The following KPNA7 variants were observed in gnomAD, a reference collection of about 807,000 sequenced individuals.
The protein encoded by KPNA7 is karyopherin subunit alpha 7, also known as importin subunit alpha-8.
In KPNA7, 54 loss-of-function variants were observed where a neutral mutation model predicts 53.7. That is an observed-to-expected ratio of 1.01 (90% CI 0.81 to 1.26). KPNA7 has a LOEUF of 1.26. KPNA7 is among the 50% of genes most tolerant of loss of function. KPNA7 has a pLI of 0.00. For missense variants in KPNA7, 640 were observed against 644.5 expected (o/e 0.99, Z 0.07); for synonymous variants, 276 against 259.3 (o/e 1.06, Z -0.62).
At chr7:99,148,368 T>A in the KPNA7 span, among the ~76,000 whole-genome samples, 38 of 152,312 alleles carry the variant, frequency 2.5e-4, no homozygotes, top group Middle Eastern at 3.4e-3. Flanking sequence ...TTGAAATATT[T>A]TCCAGTGGGC....
At chr7:99,190,904 CAT>C (rs1273994260) in intron 6 of KPNA7, among the ~76,000 whole-genome samples, 7 of 152,036 alleles carry the variant, frequency 4.6e-5, no homozygotes, top group African/African-American at 1.7e-4. Context: ...GACATATACA[CAT>C]ATGTCACCTA....
Position 99,216,614 on chromosome 7 carries a change from T to C in KPNA7, c.-23-9125A>G, listed in dbSNP as rs552628427. Among the ~76,000 whole-genome samples the C allele has an allele frequency of 2.0e-3, 304 of 152,212 alleles. 1 individual carries two copies. Among genetic ancestry groups the C allele is most frequent in the Middle Eastern group, 6.8e-3 (2 of 294 alleles). On this transcript the variant is annotated intron_variant, in intron 1 of 10. Transcript: ENST00000681060. Reference sequence around the variant, plus strand: ...TCTGGCTCTGTCGCCCAGGCTAGAATGCAGTGGCGTGATCTCAGCTCACTG... The same window carrying C: ...TCTGGCTCTGTCGCCCAGGCTAGAACGCAGTGGCGTGATCTCAGCTCACTG...
chr7:99,185,207 A>G (rs1789519569), intron 7 of KPNA7, 45 bp from the exon 8 acceptor site: 2 of 1,360,310 alleles, frequency 1.5e-6, no homozygotes, highest in Admixed American at 4.0e-5. Flanking sequence ...AGTCTATCCC[A>G]GGAGAAGGCA....
At chr7:99,187,442 TAC>T (rs140799800) in intron 7 of KPNA7, among the ~76,000 whole-genome samples, 1 of 151,708 alleles carries the variant, frequency 6.6e-6, no homozygotes, top group African/African-American at 2.4e-5. Flanking sequence ...CTGGCTGGAG[TAC>T]AGTGTGCCAT....
chr7:99,190,653 CT>C (rs78243243), intron 6 of KPNA7, among the ~76,000 whole-genome samples: 405 of 120,464 alleles, frequency 3.4e-3, no homozygotes, highest in Non-Finnish European at 3.1e-3. Context: ...GCCAGTAAAA[CT>C]TTTTTTTTTT....
chr7:99,197,916 G>A (rs1455343266), intron 3 of KPNA7, among the ~76,000 whole-genome samples: 1 of 152,020 alleles, frequency 6.6e-6, no homozygotes, highest in East Asian at 1.9e-4. Context: ...TATATTTAAA[G>A]AGATAATGGC....
chr7:99,217,035 C>T (rs1791236135), intron 1 of KPNA7, among the ~76,000 whole-genome samples: 1 of 152,162 alleles, frequency 6.6e-6, no homozygotes, highest in Admixed American at 6.5e-5. Context: ...AACTGAGAAC[C>T]ATTTTAAATT....
At chr7:99,213,596 A>C (rs1052147892) in intron 1 of KPNA7, among the ~76,000 whole-genome samples, 4 of 151,896 alleles carry the variant, frequency 2.6e-5, no homozygotes, top group African/African-American at 7.3e-5. Context: ...GGAACAAGCT[A>C]CCACACTTCA....
At chr7:99,213,039 T>C (rs1275961274), upstream of KPNA7, among the ~76,000 whole-genome samples, 1 of 152,148 alleles carries the variant, frequency 6.6e-6, no homozygotes, top group Non-Finnish European at 1.5e-5. Context: ...AGATTCTATT[T>C]CTAGGTCTCC....
At chr7:99,208,696 A>G (rs1028187690), upstream of KPNA7, among the ~76,000 whole-genome samples, 11 of 152,194 alleles carry the variant, frequency 7.2e-5, no homozygotes, top group Admixed American at 2.6e-4. Context: ...ATGAACCTGA[A>G]GTCAGCTTCT....
chr7:99,194,948 T>C (rs776992719), intron 5 of KPNA7, 122 bp downstream of exon 5: 50 of 1,200,722 alleles, frequency 4.2e-5, no homozygotes, highest in Non-Finnish European at 5.5e-5. Flanking sequence ...TTGCCAGCAC[T>C]TCTAGGTATT....
chr7:99,188,700 G>A, intron 6 of KPNA7, 137 bp from the exon 7 acceptor site: 1 of 964,220 alleles, frequency 1.0e-6, no homozygotes, highest in African/African-American at 1.6e-5. Flanking sequence ...ATTATTTTCA[G>A]ACAGCCTTGC....
chr7:99,211,295 G>T (rs1198205323), upstream of KPNA7, among the ~76,000 whole-genome samples: 1 of 152,132 alleles, frequency 6.6e-6, no homozygotes, highest in Non-Finnish European at 1.5e-5. Context: ...TGGCACATGT[G>T]CCTGTAATCC....
chr7:99,159,601 C>A, the KPNA7 span, among the ~76,000 whole-genome samples: 2 of 152,112 alleles, frequency 1.3e-5, no homozygotes, highest in Middle Eastern at 3.2e-3. Context: ...TCCCTCTTCC[C>A]GTATTACTTT....
intron 2 of KPNA7, among the ~76,000 whole-genome samples, chr7:99,206,600 C>G (rs1790826888): frequency 6.6e-6 from 1 of 152,152 alleles, no homozygotes; most frequent in Non-Finnish European, 1.5e-5. Flanking sequence ...ACCAGAGTAT[C>G]TGAGACTACA....
Position 99,216,195 on chromosome 7 carries a change from G to GT in KPNA7, c.-23-8707dup, listed in dbSNP as rs550114384. Among the ~76,000 whole-genome samples the GT allele has an allele frequency of 4.1e-3, 622 of 151,964 alleles. 2 individuals carry two copies. Among genetic ancestry groups the GT allele is most frequent in the African/African-American group, 0.014 (577 of 41,452 alleles). ...GGCACACACCACCACACCCAGCTAAGTTTTTTGCATTTTAGAAAGACAGGT... is the reference window on the plus strand; with the variant it reads ...GGCACACACCACCACACCCAGCTAAGTTTTTTTGCATTTTAGAAAGACAGGT... On this transcript the variant is annotated intron_variant, in intron 1 of 10. Coordinates refer to the KPNA7 transcript ENST00000681060.
chr7:99,187,771 G>A (rs983933803), intron 7 of KPNA7, among the ~76,000 whole-genome samples: 7 of 123,678 alleles, frequency 5.7e-5, no homozygotes, highest in Non-Finnish European at 1.2e-4. Flanking sequence ...TTTTACAGCT[G>A]TGAGCCACCG....
intron 1 of KPNA7, 63 bp from the exon 2 acceptor site, chr7:99,207,552 T>A (rs946707771): frequency 7.6e-6 from 6 of 786,482 alleles, no homozygotes; most frequent in Middle Eastern, 4.7e-4. Context: ...TATGTCAGTA[T>A]CATAAGGCTC....
At chr7:99,194,427 T>C (rs958052176) in intron 5 of KPNA7, among the ~76,000 whole-genome samples, 1 of 152,138 alleles carries the variant, frequency 6.6e-6, no homozygotes, top group African/African-American at 2.4e-5. Context: ...TCCCGAGTTA[T>C]GTAAGGGTCT....
Sources: gnomAD v4.1 joint callset for allele counts (sites outside exome capture counted in the v4.1 genomes callset) on GRCh38, gnomAD v4.1.1 for gene constraint, MANE v1.5 for transcripts, NCBI Gene and HGNC (gene_info 2026-07-23, HGNC 2026-07-21) for gene names.